MITF: variants seen among roughly 807,000 people sequenced by gnomAD.
The protein encoded by MITF is microphthalmia-associated transcription factor.
A neutral mutation model predicts 60.5 loss-of-function variants in MITF; 17 were observed. The observed-to-expected ratio is 0.28, with a 90% confidence interval of 0.19 to 0.42. The LOEUF (loss-of-function observed/expected upper bound fraction) is 0.42. Among genes scored for constraint, MITF ranks in the 10% least tolerant of loss-of-function variants. MITF has a pLI of 1.00. For missense variants in MITF, 622 were observed against 683.5 expected (o/e 0.91, Z 1.00); for synonymous variants, 260 against 248.5 (o/e 1.05, Z -0.43).
chr3:69,894,742 A>G (rs1468930490), intron 2 of MITF, among the ~76,000 whole-genome samples: 2 of 151,732 alleles, frequency 1.3e-5, no homozygotes, highest in African/African-American at 4.8e-5. Context: ...TTTATGGTAC[A>G]AGTTTAATTT....
intron 1 of MITF, among the ~76,000 whole-genome samples, chr3:69,766,215 CTTTCTTTTCT>C (rs772736772): frequency 3.3e-5 from 5 of 151,198 alleles, no homozygotes; most frequent in Non-Finnish European, 5.9e-5. Context: ...GTCATTTTAT[CTTTCTTTTCT>C]TTTCTTTCTT....
chr3:69,898,738 T>C (rs1305403753), intron 2 of MITF, among the ~76,000 whole-genome samples: 2 of 152,122 alleles, frequency 1.3e-5, no homozygotes, highest in African/African-American at 4.8e-5. Context: ...AAGTGTCTAT[T>C]GGGTTGGTCT....
At chr3:69,879,958 C>T (rs996584327) in intron 2 of MITF, among the ~76,000 whole-genome samples, 10 of 152,176 alleles carry the variant, frequency 6.6e-5, no homozygotes, top group South Asian at 2.1e-4. Flanking sequence ...TAGCATCATT[C>T]GATTAGGGAC....
rs118138442 is a variant in MITF, at chr3:69,816,953, G to C, written c.105-62181G>C. Among the ~76,000 whole-genome samples, 90 of 152,290 alleles carry C rather than the reference G, an allele frequency of 5.9e-4. No individual in the cohort carries two copies. In the East Asian group the frequency reaches 0.016, roughly 26 times the overall value. On this transcript the variant is annotated intron_variant, in intron 1 of 9. Transcript: ENST00000352241. ...TGTGGCAGTTAATTGTCACAAATGT[G>C]ATAGGATCAAGGAGAGCTTAGACAC...
chr3:69,929,855 A>G (rs2065678545), intron 2 of MITF, among the ~76,000 whole-genome samples: 1 of 152,184 alleles, frequency 6.6e-6, no homozygotes, highest in Non-Finnish European at 1.5e-5. Flanking sequence ...AATCCATCAT[A>G]TTCTGATTAT....
At chr3:69,863,753 A>G (rs369223329) in intron 1 of MITF, among the ~76,000 whole-genome samples, 3 of 152,220 alleles carry the variant, frequency 2.0e-5, no homozygotes, top group South Asian at 2.1e-4. Context: ...TTTTTAAGAG[A>G]TGGGGTCTCC....
chr3:69,890,108 C>T (rs1039924909), intron 2 of MITF, among the ~76,000 whole-genome samples: 10 of 152,072 alleles, frequency 6.6e-5, no homozygotes, highest in Admixed American at 2.0e-4. Flanking sequence ...TCCTACTGCC[C>T]GCCACAAAGA....
rs762748299 is a variant in MITF, at chr3:69,939,086, G to A, written c.583-12G>A. The A allele has an allele frequency of 6.2e-7, 1 of 1,613,672 alleles. No individual in the cohort carries two copies. Among genetic ancestry groups the A allele is most frequent in the South Asian group, 1.1e-5 (1 of 90,954 alleles). On this transcript the variant is annotated splice_polypyrimidine_tract_variant and intron_variant, in intron 3 of 9. Transcript: ENST00000352241. ...TCCAAGTTATAGACTGTTTTTGCTT[G>A]TGTTTTTGCAGGGATTTTATAAGTT...
At chr3:69,884,833 G>A (rs1355052843) in intron 2 of MITF, among the ~76,000 whole-genome samples, 5 of 151,990 alleles carry the variant, frequency 3.3e-5, no homozygotes, top group Non-Finnish European at 5.9e-5. Flanking sequence ...AGTCATCTTC[G>A]CTTAAATTTT....
chr3:69,812,801 G>A (rs2063121380), intron 1 of MITF, among the ~76,000 whole-genome samples: 1 of 152,114 alleles, frequency 6.6e-6, no homozygotes, highest in South Asian at 2.1e-4. Context: ...TGGCCTTCTT[G>A]TCCTCACTTG....
At chr3:69,906,448 T>G (rs569745674) in intron 2 of MITF, among the ~76,000 whole-genome samples, 1 of 152,314 alleles carries the variant, frequency 6.6e-6, no homozygotes, top group African/African-American at 2.4e-5. Context: ...GTTGTGTATA[T>G]GATGTCAATC....
chr3:69,800,464 G>A (rs1156910111), intron 1 of MITF, among the ~76,000 whole-genome samples: 1 of 152,104 alleles, frequency 6.6e-6, no homozygotes, highest in Admixed American at 6.5e-5. Flanking sequence ...AGAGCGGAAT[G>A]GCTGGGTCAC....
chr3:69,843,913 A>G (rs62252236), intron 1 of MITF, among the ~76,000 whole-genome samples: 47,171 of 151,702 alleles, frequency 0.31, 8,862 homozygotes, highest in Non-Finnish European at 0.42. Flanking sequence ...CCCACGATAG[A>G]CCCCGGTGTG....
intron 1 of MITF, among the ~76,000 whole-genome samples, chr3:69,806,173 C>T (rs576958456): frequency 1.3e-5 from 2 of 151,998 alleles, no homozygotes; most frequent in African/African-American, 4.8e-5. Context: ...CAACTTCTGC[C>T]TCCCGGGTTC....
At chr3:69,875,639 C>T (rs763271340) in intron 1 of MITF, among the ~76,000 whole-genome samples, 71 of 152,340 alleles carry the variant, frequency 4.7e-4, no homozygotes, top group Non-Finnish European at 8.2e-4. Context: ...TTCAGCATCA[C>T]GTCCTCGTTT....
chr3:69,896,862 C>A (rs918484861), intron 2 of MITF, among the ~76,000 whole-genome samples: 47 of 152,106 alleles, frequency 3.1e-4, no homozygotes, highest in African/African-American at 1.1e-3. Context: ...ACTGTTGAAC[C>A]CTTCAAACAT....
intron 1 of MITF, among the ~76,000 whole-genome samples, chr3:69,849,532 A>C (rs1033365642): frequency 2.0e-5 from 3 of 152,348 alleles, no homozygotes; most frequent in Admixed American, 2.0e-4. Context: ...CAGCCTGTGA[A>C]GTTGAGACTG....
At chr3:69,929,659 G>A (rs1372570009) in intron 2 of MITF, among the ~76,000 whole-genome samples, 2 of 151,774 alleles carry the variant, frequency 1.3e-5, no homozygotes, top group African/African-American at 2.4e-5. Flanking sequence ...CTTTTTGTTT[G>A]TTTTGGTTTA....
At chr3:69,835,302 A>C (rs1299833962) in intron 1 of MITF, among the ~76,000 whole-genome samples, 1 of 151,968 alleles carries the variant, frequency 6.6e-6, no homozygotes, top group Non-Finnish European at 1.5e-5. Context: ...GCAGGCATGC[A>C]CCCAGCTTCT....
Sources: allele counts gnomAD v4.1 joint callset (sites outside exome capture counted in the v4.1 genomes callset), GRCh38; gene constraint gnomAD v4.1.1; transcripts MANE v1.5; gene names NCBI Gene and HGNC (gene_info 2026-07-23, HGNC 2026-07-21).